COLEC10: variants seen among roughly 807,000 people sequenced by gnomAD.
COLEC10 encodes the protein collectin subfamily member 10.
A neutral mutation model predicts 28.4 loss-of-function variants in COLEC10; 22 were observed. That is an observed-to-expected ratio of 0.78 (90% CI 0.55 to 1.11). The LOEUF (loss-of-function observed/expected upper bound fraction) is 1.11, where lower values mean the gene tolerates loss of function less well. Ranked by LOEUF, COLEC10 falls within the 50% of genes least tolerant of loss-of-function variation. COLEC10 has a pLI of 0.00. For missense variants in COLEC10, 361 were observed against 344.1 expected (o/e 1.05, Z -0.39); for synonymous variants, 125 against 116.1 (o/e 1.08, Z -0.49).
At chr8:118,985,529 G>A in the COLEC10 span, among the ~76,000 whole-genome samples, 1 of 151,968 alleles carries the variant, frequency 6.6e-6, no homozygotes, top group Non-Finnish European at 1.5e-5. Flanking sequence ...ATTTAAACAG[G>A]GATTTATGAG....
At chr8:118,998,347 TC>T (rs1813628027) in intron 1 of COLEC10, among the ~76,000 whole-genome samples, 1 of 152,168 alleles carries the variant, frequency 6.6e-6, no homozygotes, top group Non-Finnish European at 1.5e-5. Flanking sequence ...TCTAAGCTTT[TC>T]TTCAATTGGC....
chr8:119,062,239 T>C (rs1295332054), intron 2 of COLEC10, among the ~76,000 whole-genome samples: 2 of 152,054 alleles, frequency 1.3e-5, no homozygotes, highest in Non-Finnish European at 2.9e-5. Flanking sequence ...CCATCTTCCA[T>C]ATTTAGAAGT....
intron 2 of COLEC10, among the ~76,000 whole-genome samples, chr8:119,026,138 C>T (rs1300518956): frequency 6.6e-6 from 1 of 152,166 alleles, no homozygotes; most frequent in Non-Finnish European, 1.5e-5. Flanking sequence ...GAATGACTAT[C>T]CTGTATCATG....
At chr8:119,012,088 T>C (rs1355352304) in intron 2 of COLEC10, among the ~76,000 whole-genome samples, 1 of 150,886 alleles carries the variant, frequency 6.6e-6, no homozygotes, top group Non-Finnish European at 1.5e-5. Flanking sequence ...AGTACGAAGT[T>C]AGCAGTAGGC....
At chr8:118,990,778 A>C (rs1813493341), upstream of COLEC10, among the ~76,000 whole-genome samples, 2 of 152,124 alleles carry the variant, frequency 1.3e-5, no homozygotes, top group Non-Finnish European at 2.9e-5. Context: ...CTTCAAGGAA[A>C]TCATGTCAGC....
rs1436224050 is a variant in COLEC10, at chr8:119,108,231, C to T, written c.*2040C>T. On this transcript the variant is annotated 3_prime_UTR_variant, in exon 6 of 6. Transcript: ENST00000332843. The stretch of plus-strand genomic sequence containing the variant: ...AGTATCCTTGGATAGAAAGCCATCC[C>T]AGATCATGAGGAATGAAAACCTAGA... Among the ~76,000 whole-genome samples the T allele has an allele frequency of 6.6e-6, 1 of 152,012 alleles. No individual in the cohort carries two copies. The highest frequency in any genetic ancestry group is 6.6e-5 in the Admixed American group (1 of 15,252).
chr8:119,005,888 T>C (rs141720005), intron 1 of COLEC10, among the ~76,000 whole-genome samples: 80 of 152,202 alleles, frequency 5.3e-4, no homozygotes, highest in Non-Finnish European at 8.1e-4. Context: ...AAGCATTTTA[T>C]TGGCATGGGG....
At chr8:119,097,647 A>C (rs970481537) in intron 3 of COLEC10, among the ~76,000 whole-genome samples, 1 of 152,046 alleles carries the variant, frequency 6.6e-6, no homozygotes, top group Non-Finnish European at 1.5e-5. Context: ...GATAAAATGC[A>C]TCATGGATCT....
chr8:119,042,204 G>A (rs1221681748), intron 2 of COLEC10, among the ~76,000 whole-genome samples: 2 of 151,108 alleles, frequency 1.3e-5, no homozygotes, highest in African/African-American at 2.4e-5. Context: ...CACCATGTTG[G>A]CCAGGCTGGT....
chr8:119,080,195 T>C (rs1432281960), intron 1 of COLEC10, among the ~76,000 whole-genome samples: 2 of 152,002 alleles, frequency 1.3e-5, no homozygotes, highest in Admixed American at 1.3e-4. Flanking sequence ...GTTCAGTGTC[T>C]CCTCCCACCC....
At chr8:119,003,307 G>A (rs1042428075) in intron 1 of COLEC10, among the ~76,000 whole-genome samples, 3 of 152,040 alleles carry the variant, frequency 2.0e-5, no homozygotes, top group South Asian at 2.1e-4. Context: ...GATGGAAATC[G>A]TCTGCAAAAT....
intron 3 of COLEC10, among the ~76,000 whole-genome samples, chr8:119,094,926 C>T (rs966230372): frequency 2.1e-4 from 32 of 152,100 alleles, no homozygotes; most frequent in African/African-American, 7.5e-4. Context: ...ACTTTATCTC[C>T]TGAGACTGGG....
At chr8:119,046,353 G>T (rs1015245381) in intron 2 of COLEC10, among the ~76,000 whole-genome samples, 1 of 152,026 alleles carries the variant, frequency 6.6e-6, no homozygotes, top group African/African-American at 2.4e-5. Context: ...TCTTTGTTTA[G>T]AATCTGCAAC....
chr8:119,099,305 A>T (rs1247047920), intron 3 of COLEC10, among the ~76,000 whole-genome samples: 2 of 152,052 alleles, frequency 1.3e-5, no homozygotes, highest in African/African-American at 2.4e-5. Context: ...AGTACTTGGC[A>T]TGCATTCCTT....
intron 1 of COLEC10, among the ~76,000 whole-genome samples, chr8:119,088,138 AAG>A (rs1229473739): frequency 1.3e-5 from 2 of 151,770 alleles, no homozygotes; most frequent in African/African-American, 2.4e-5. Context: ...AAGAGAGAAA[AAG>A]AGAGAGAAGG....
intron 2 of COLEC10, among the ~76,000 whole-genome samples, chr8:119,030,437 G>A (rs932641345): frequency 6.6e-6 from 1 of 152,102 alleles, no homozygotes; most frequent in African/African-American, 2.4e-5. Context: ...ACTGAGGTGG[G>A]CAGATCACTT....
At chr8:119,003,867 A>T (rs1218579775) in intron 1 of COLEC10, among the ~76,000 whole-genome samples, 1 of 152,070 alleles carries the variant, frequency 6.6e-6, no homozygotes, top group Non-Finnish European at 1.5e-5. Context: ...GGTCCAGAGA[A>T]AACTAGTTTG....
chr8:119,028,619 C>T (rs1026486018), intron 2 of COLEC10, among the ~76,000 whole-genome samples: 6 of 152,120 alleles, frequency 3.9e-5, no homozygotes, highest in Admixed American at 3.9e-4. Context: ...CTGAGTCCCT[C>T]CCACAACATA....
At chr8:118,972,476 T>C in the COLEC10 span, among the ~76,000 whole-genome samples, 32 of 151,934 alleles carry the variant, frequency 2.1e-4, no homozygotes, top group African/African-American at 7.7e-4. Context: ...GAACTCTAAA[T>C]GTAATGACTA....
Sources: allele counts gnomAD v4.1 joint callset (sites outside exome capture counted in the v4.1 genomes callset), GRCh38; gene constraint gnomAD v4.1.1; transcripts MANE v1.5; gene names NCBI Gene and HGNC (gene_info 2026-07-23, HGNC 2026-07-21).